The following CAMKMT variants were observed in gnomAD, a reference collection of about 807,000 sequenced individuals.
CAMKMT encodes the protein calmodulin-lysine N-methyltransferase, also known as CaM KMT.
A neutral mutation model predicts 48.0 loss-of-function variants in CAMKMT; 53 were observed. The observed-to-expected ratio is 1.10, with a 90% CI of 0.89 to 1.39. The LOEUF (loss-of-function observed/expected upper bound fraction) is 1.39. Ranked by LOEUF, CAMKMT falls within the 40% of genes most tolerant of loss-of-function variation. The pLI, the probability that CAMKMT is intolerant of heterozygous loss-of-function variation, is 0.00. For synonymous variants in CAMKMT, 165 were observed against 152.3 expected (o/e 1.08, Z -0.61); for missense variants, 428 against 402.7 (o/e 1.06, Z -0.54).
At chr2:44,528,006 A>G (rs1401026007) in intron 3 of CAMKMT, among the ~76,000 whole-genome samples, 1 of 152,068 alleles carries the variant, frequency 6.6e-6, no homozygotes, top group Non-Finnish European at 1.5e-5. Flanking sequence ...TGCTTCACCT[A>G]TTCGTTCCTT....
At chr2:44,608,227 C>T (rs1215597114) in intron 3 of CAMKMT, among the ~76,000 whole-genome samples, 4 of 151,928 alleles carry the variant, frequency 2.6e-5, no homozygotes, top group Admixed American at 6.6e-5. Context: ...CACCCACCAC[C>T]GCGCCTGGCT....
intron 3 of CAMKMT, chr2:44,391,989 C>G (rs1412134576): frequency 2.0e-5 from 3 of 152,518 alleles, no homozygotes; most frequent in African/African-American, 7.2e-5. Context: ...CTGTTTTCAT[C>G]TCTTAGGGCT....
intron 7 of CAMKMT, among the ~76,000 whole-genome samples, chr2:44,724,348 A>AT (rs1363929969): frequency 6.6e-6 from 1 of 152,164 alleles, no homozygotes; most frequent in African/African-American, 2.4e-5. Context: ...CTGAAACGAG[A>AT]TTTTCAAAGT....
At chr2:44,432,792 A>G (rs1684728051) in intron 3 of CAMKMT, among the ~76,000 whole-genome samples, 1 of 151,166 alleles carries the variant, frequency 6.6e-6, no homozygotes, top group Non-Finnish European at 1.5e-5. Context: ...GGTTGCTAAT[A>G]GAGACTGTGT....
At chr2:44,647,907 C>CAAAAAAAAAAAA (rs756753917) in intron 3 of CAMKMT, among the ~76,000 whole-genome samples, 1 of 29,524 alleles carries the variant, frequency 3.4e-5, no homozygotes, top group Non-Finnish European at 7.0e-5. Context: ...GACTCCGTCT[C>CAAAAAAAAAAAA]AAAAAAAAAA....
chr2:44,629,054 T>C (rs1672658528), intron 3 of CAMKMT, among the ~76,000 whole-genome samples: 1 of 152,212 alleles, frequency 6.6e-6, no homozygotes, highest in South Asian at 2.1e-4. Context: ...GTTATTGTCA[T>C]ATTCTACATC....
At chr2:44,396,124 T>G (rs1458986687) in intron 3 of CAMKMT, among the ~76,000 whole-genome samples, 3 of 152,142 alleles carry the variant, frequency 2.0e-5, no homozygotes, top group African/African-American at 7.2e-5. Context: ...CAAAATAAAT[T>G]TAATATGGGT....
chr2:44,458,381 G>T (rs887575906), intron 3 of CAMKMT, among the ~76,000 whole-genome samples: 3 of 152,082 alleles, frequency 2.0e-5, no homozygotes, highest in African/African-American at 7.2e-5. Context: ...GAGTCACCTC[G>T]TGAAAACTCT....
rs146296149 is a variant in CAMKMT, at chr2:44,654,550, T to A, written c.377-49733T>A. Among the ~76,000 whole-genome samples the A allele has an allele frequency of 3.8e-3, 585 of 152,322 alleles. 2 individuals carry two copies. Among genetic ancestry groups the A allele is most frequent in the Non-Finnish European group, 6.0e-3 (406 of 68,020 alleles). On this transcript the variant is annotated intron_variant, in intron 3 of 10. Transcript: ENST00000378494. ...TTTTGTGAAACAGAGTCTCACTGTG[T>A]CACCCAGGCTGGAGTACAATGGCAT...
In CAMKMT at chr2:44,411,277, A is replaced by G. The variant is rs989535631; in HGVS notation, c.376+20972A>G. On this transcript the variant is annotated intron_variant, in intron 3 of 10. Transcript: ENST00000378494. The stretch of plus-strand genomic sequence containing the variant: ...GCATTCATTCGTTTACTCATTACAT[A>G]TTTGAGTGACTATTGCGTGGCAAGT... 2.6e-5 allele frequency among the ~76,000 whole-genome samples: 4 copies of G among 152,218 alleles called. No homozygotes were observed. The South Asian group carries it at 8.3e-4, about 31-fold the overall frequency.
chr2:44,383,944 A>G (rs556096744), intron 2 of CAMKMT, among the ~76,000 whole-genome samples: 1 of 152,286 alleles, frequency 6.6e-6, no homozygotes, highest in South Asian at 2.1e-4. Flanking sequence ...ATGAGTGTGC[A>G]AGGGTCTTTT....
At chr2:44,667,883 C>T (rs1018602739) in intron 3 of CAMKMT, among the ~76,000 whole-genome samples, 3 of 152,184 alleles carry the variant, frequency 2.0e-5, no homozygotes, top group African/African-American at 7.2e-5. Context: ...CTCAGGTTCT[C>T]ATTTATCTTC....
At position 44,743,613 on chromosome 2, in the gene CAMKMT, C is replaced by T. The variant is rs79981011; in HGVS notation, c.624-9C>T. ...TATGTATAATTTTTAAAATCTTTTTCTCCTCAAGCGTTTTACGATGGGATA... is the reference window on the plus strand; with the variant it reads ...TATGTATAATTTTTAAAATCTTTTTTTCCTCAAGCGTTTTACGATGGGATA... On this transcript the variant is annotated splice_polypyrimidine_tract_variant and intron_variant, in intron 7 of 10. Transcript: ENST00000378494. The T allele has an allele frequency of 5.0e-6, 8 of 1,598,318 alleles. No homozygotes were observed. The highest frequency in any genetic ancestry group is 1.3e-5 in the African/African-American group (1 of 74,088).
chr2:44,593,575 T>C (rs1359755714), intron 3 of CAMKMT, among the ~76,000 whole-genome samples: 1 of 152,126 alleles, frequency 6.6e-6, no homozygotes, highest in Non-Finnish European at 1.5e-5. Flanking sequence ...CTCACTCACC[T>C]CATTTGTATT....
intron 8 of CAMKMT, among the ~76,000 whole-genome samples, chr2:44,744,386 G>T (rs534739657): frequency 6.6e-6 from 1 of 152,152 alleles, no homozygotes; most frequent in South Asian, 2.1e-4. Flanking sequence ...GTTAATGAAA[G>T]TCTGATCGTA....
At chr2:44,440,062 G>A (rs1359877595) in intron 3 of CAMKMT, among the ~76,000 whole-genome samples, 2 of 152,162 alleles carry the variant, frequency 1.3e-5, no homozygotes, top group Non-Finnish European at 2.9e-5. Flanking sequence ...AGGTCAGAAT[G>A]AGAAAGGAGA....
intron 3 of CAMKMT, among the ~76,000 whole-genome samples, chr2:44,409,108 T>A (rs1682995326): frequency 5.4e-4 from 2 of 3,700 alleles, no homozygotes; most frequent in African/African-American, 1.9e-3. Context: ...TATATATATA[T>A]ATATATATAT....
chr2:44,531,799 C>G (rs1482483948), intron 3 of CAMKMT, among the ~76,000 whole-genome samples: 1 of 151,962 alleles, frequency 6.6e-6, no homozygotes, highest in Non-Finnish European at 1.5e-5. Flanking sequence ...ATACAGATTC[C>G]TTTTAAGAAA....
chr2:44,527,786 C>CA (rs748747891), intron 3 of CAMKMT, among the ~76,000 whole-genome samples: 1 of 17,686 alleles, frequency 5.7e-5, no homozygotes, highest in Non-Finnish European at 1.7e-4. Context: ...ATGTGTACAG[C>CA]CCCCCCCCCC....
Sources: gnomAD v4.1 joint callset for allele counts (sites outside exome capture counted in the v4.1 genomes callset) on GRCh38, gnomAD v4.1.1 for gene constraint, MANE v1.5 for transcripts, NCBI Gene and HGNC (gene_info 2026-07-23, HGNC 2026-07-21) for gene names.